CHDH: variants seen among roughly 807,000 people sequenced by gnomAD.
CHDH encodes the protein choline dehydrogenase, also known as choline dehydrogenase, mitochondrial.
CHDH carries 43 observed loss-of-function variants against 56.9 expected under a neutral mutation model. The ratio of observed to expected loss-of-function variants is 0.76; its 90% CI spans 0.59 to 0.97. The LOEUF (loss-of-function observed/expected upper bound fraction) is 0.97. Ranked by LOEUF, CHDH falls within the 50% of genes least tolerant of loss-of-function variation. The pLI, the probability that CHDH is intolerant of heterozygous loss-of-function variation, is 0.00. For missense variants in CHDH, 816 were observed against 821.1 expected (o/e 0.99, Z 0.08); for synonymous variants, 364 against 348.5 (o/e 1.04, Z -0.50).
At chr3:53,842,351 A>C (rs994749212) in intron 1 of CHDH, among the ~76,000 whole-genome samples, 1 of 152,020 alleles carries the variant, frequency 6.6e-6, no homozygotes, top group African/African-American at 2.4e-5. Context: ...AAAATATACC[A>C]CCGATCCTGT....
At chr3:53,836,074 G>T (rs1698484895) in intron 2 of CHDH, among the ~76,000 whole-genome samples, 1 of 152,182 alleles carries the variant, frequency 6.6e-6, no homozygotes, top group African/African-American at 2.4e-5. Flanking sequence ...AGCCTCCCAG[G>T]AGCACAACCG....
chr3:53,832,306 C>T (rs989699184), intron 2 of CHDH, among the ~76,000 whole-genome samples: 2 of 151,964 alleles, frequency 1.3e-5, no homozygotes, highest in South Asian at 2.1e-4. Context: ...CCAAGGTAGG[C>T]GGATCATGAG....
At chr3:53,837,559 C>T (rs981813101) in intron 2 of CHDH, among the ~76,000 whole-genome samples, 6 of 152,230 alleles carry the variant, frequency 3.9e-5, no homozygotes, top group African/African-American at 1.2e-4. Flanking sequence ...CTGGCCTCTG[C>T]GGGCACCTCC....
At chr3:53,831,742 TAAGA>T (rs1456868056) in intron 2 of CHDH, among the ~76,000 whole-genome samples, 2 of 152,088 alleles carry the variant, frequency 1.3e-5, no homozygotes, top group African/African-American at 4.8e-5. Flanking sequence ...GACATTTCTC[TAAGA>T]AAGAAACACA....
chr3:53,834,636 C>T (rs1322361431), intron 2 of CHDH, among the ~76,000 whole-genome samples: 2 of 152,204 alleles, frequency 1.3e-5, no homozygotes, highest in African/African-American at 2.4e-5. Flanking sequence ...AAGATGCTTA[C>T]GCACCATTCC....
rs778395266 is a variant in CHDH at position 53,823,898 on chromosome 3, G to A, written c.111C>T (p.Ser37=). The A allele has an allele frequency of 1.3e-6, 2 of 1,576,616 alleles. No homozygotes were observed. The highest frequency in any genetic ancestry group is 1.7e-6 in the Non-Finnish European group (2 of 1,170,240). The change falls in exon 3 of 9, where the codon AGC becomes AGT. Residue 37 remains serine, a synonymous_variant. Coordinates refer to ENST00000315251, the MANE Select transcript of CHDH (RefSeq NM_018397.5). ...CCACCACATAGCTGTACTCGTCCCG[G>A]CTCTCAGAGCCTGCGCTGGCCAGGG... ...ARALASAGSE[S]RDEYSYVVVG... is the part of the protein sequence containing the mutation.
At position 53,838,662 on chromosome 3, in the gene CHDH, C is replaced by A. The variant is rs553071959; in HGVS notation, c.-60+2267G>T. 9.2e-5 allele frequency among the ~76,000 whole-genome samples: 14 copies of A among 152,328 alleles called. No individual in the cohort carries two copies. In the South Asian group the frequency reaches 2.3e-3, roughly 25 times the overall value. ...CAGAGGCCAGGAGTTACCAAGCTCC[C>A]ACCTGGCAGAGCCCATCATGGAGCT... On this transcript the variant is annotated intron_variant, in intron 2 of 8. Coordinates refer to ENST00000315251, the MANE Select transcript of CHDH (RefSeq NM_018397.5).
intron 1 of CHDH, among the ~76,000 whole-genome samples, chr3:53,842,129 AAAAAAAAGAAAAAAG>A (rs1381015375): frequency 2.6e-5 from 4 of 151,968 alleles, no homozygotes; most frequent in African/African-American, 9.7e-5. Context: ...TGTCTCAAAA[AAAAAAAAGAAAAAAG>A]AAAAAAAGAA....
Position 53,819,488 on chromosome 3 carries a change from G to A in CHDH, c.1263+44C>T. On this transcript the variant is annotated intron_variant, in intron 7 of 8. Transcript: ENST00000315251. The surrounding 1 kb of genome is among the most constrained non-coding windows in gnomAD (Gnocchi z 5.4). ...GATGGGAGCATCTTCCTTCCTGGTGGGAAGGAGACATCCTGGGAAGCCGAG... is the reference window on the plus strand; with the variant it reads ...GATGGGAGCATCTTCCTTCCTGGTGAGAAGGAGACATCCTGGGAAGCCGAG... 6.4e-7 allele frequency: 1 copy of A among 1,566,160 alleles called. No homozygotes were observed.
chr3:53,845,332 C>G (rs1394257785), intron 1 of CHDH, among the ~76,000 whole-genome samples: 7 of 152,234 alleles, frequency 4.6e-5, no homozygotes, highest in African/African-American at 1.7e-4. Flanking sequence ...TCAGCTAAAA[C>G]AGCTGCTTGA....
intron 3 of CHDH, 103 bp downstream of exon 3, chr3:53,823,203 C>T: frequency 3.5e-6 from 4 of 1,130,948 alleles, no homozygotes; most frequent in South Asian, 3.3e-5. Context: ...CTGCCCATGC[C>T]TCCTGACCAT....
chr3:53,843,943 C>T (rs1386873667), intron 1 of CHDH, among the ~76,000 whole-genome samples: 35 of 152,214 alleles, frequency 2.3e-4, no homozygotes, highest in Admixed American at 2.2e-3. Flanking sequence ...GTGTGCCTTC[C>T]GGCAGGCCAC....
chr3:53,823,178 C>T, intron 3 of CHDH, 128 bp downstream of exon 3: 3 of 832,426 alleles, frequency 3.6e-6, no homozygotes, highest in Non-Finnish European at 5.4e-6. Context: ...TCTTCCCGGT[C>T]GTGCCAGCCT....
rs2095606605 is a variant in CHDH at position 53,812,860 on chromosome 3, A to G, written c.*4917T>C. 2 of 152,202 alleles carry G rather than the reference A, an allele frequency of 1.3e-5. No homozygotes were observed. Among genetic ancestry groups the G allele is most frequent in the East Asian group, 3.9e-4 (2 of 5,180 alleles). The allele number at this position is 152,202 out of a possible 1,614,324, so 9.4% of individuals were successfully genotyped here. ...TACAAATCGTATTGTTGCCTTTTACAAAACTGCTGTACTGTATGTTCTCTT... is the reference window on the plus strand; with the variant it reads ...TACAAATCGTATTGTTGCCTTTTACGAAACTGCTGTACTGTATGTTCTCTT... On this transcript the variant is annotated 3_prime_UTR_variant, in exon 9 of 9. Coordinates refer to ENST00000315251, the MANE Select transcript of CHDH (RefSeq NM_018397.5).
In CHDH at chr3:53,824,455, C is replaced by T. The variant is rs2095635243; in HGVS notation, c.-59-388G>A. Reference sequence around the variant, plus strand: ...CAGTGGGCTCAGCCCCTACCATGTGCTAGGCACTGTTCCCTGCCCCACCCA... The same window carrying T: ...CAGTGGGCTCAGCCCCTACCATGTGTTAGGCACTGTTCCCTGCCCCACCCA... On this transcript the variant is annotated intron_variant, in intron 2 of 8. Coordinates refer to ENST00000315251, the MANE Select transcript of CHDH (RefSeq NM_018397.5). Among the ~76,000 whole-genome samples the T allele has an allele frequency of 2.6e-5, 4 of 152,234 alleles. No individual in the cohort carries two copies. The South Asian group carries it at 8.3e-4, about 31-fold the overall frequency.
chr3:53,818,832 T>C (rs2095620553), intron 8 of CHDH, 106 bp downstream of exon 8: 2 of 802,090 alleles, frequency 2.5e-6, no homozygotes, highest in African/African-American at 1.7e-5. Flanking sequence ...AGAGGGTCAC[T>C]TGTGTCCTAG....
intron 2 of CHDH, among the ~76,000 whole-genome samples, chr3:53,825,030 G>A (rs575307847): frequency 1.3e-5 from 2 of 152,258 alleles, no homozygotes; most frequent in South Asian, 2.1e-4. Context: ...CAGAGGTGGC[G>A]GGGCCTCCTG....
At chr3:53,840,596 C>A (rs1237442511) in intron 2 of CHDH, among the ~76,000 whole-genome samples, 2 of 152,122 alleles carry the variant, frequency 1.3e-5, no homozygotes, top group South Asian at 4.2e-4. Flanking sequence ...CAAAACAGGA[C>A]CCCCACGAGG....
At position 53,819,318 on chromosome 3, in the gene CHDH, G is replaced by T. The variant is rs1226350177; in HGVS notation, c.1263+214C>A. 6.6e-6 allele frequency among the ~76,000 whole-genome samples: 1 copy of T among 152,160 alleles called. No individual in the cohort carries two copies. Among genetic ancestry groups the T allele is most frequent in the African/African-American group, 2.4e-5 (1 of 41,400 alleles). The stretch of plus-strand genomic sequence containing the variant: ...CCCCTCTGTTTGTCCCATTTCTGGT[G>T]CTCGGTACCTAGCCTGCATGAAACA... On this transcript the variant is annotated intron_variant, in intron 7 of 8. Coordinates refer to ENST00000315251, the MANE Select transcript of CHDH (RefSeq NM_018397.5). The surrounding 1 kb of genome is among the most constrained non-coding windows in gnomAD (Gnocchi z 5.4).
Sources: allele counts gnomAD v4.1 joint callset (sites outside exome capture counted in the v4.1 genomes callset), GRCh38; gene constraint gnomAD v4.1.1; non-coding constraint Gnocchi (gnomAD v3.1); transcripts MANE v1.5; gene names NCBI Gene and HGNC (gene_info 2026-07-23, HGNC 2026-07-21).